The following ITGB4 variants were observed in gnomAD, a reference collection of about 807,000 sequenced individuals.
ITGB4 encodes the protein integrin beta-4.
In ITGB4, 159 loss-of-function variants were observed where a neutral mutation model predicts 207.6. That is an observed-to-expected ratio of 0.77 (90% CI 0.67 to 0.87). ITGB4 has a LOEUF of 0.87. Among genes scored for constraint, ITGB4 ranks in the 40% least tolerant of loss-of-function variants. ITGB4 has a pLI of 0.00. For missense variants in ITGB4, 2,278 were observed against 2,546.8 expected, an observed-to-expected ratio of 0.89 and a Z score of 2.27; for synonymous variants, 1,020 against 1,062.7, an observed-to-expected ratio of 0.96 and a Z score of 0.78.
At chr17:75,726,969 A>G (rs903809623) in intron 2 of ITGB4, among the ~76,000 whole-genome samples, 2 of 151,954 alleles carry the variant, frequency 1.3e-5, no homozygotes, top group Non-Finnish European at 2.9e-5. Flanking sequence ...GCTACTCCAG[A>G]GGCTGAGGTG....
In ITGB4 at chr17:75,757,478, C is replaced by T. The variant is rs371616348; in HGVS notation, c.5392C>T (p.Gln1798Ter). The T allele has an allele frequency of 6.2e-7, 1 of 1,612,986 alleles. No individual in the cohort carries two copies. ...CGGCTCCCTCACCCGGCATGTGACC[C>T]AGGAGTTTGTGAGCCGGACACTGAC... ...AGGSLTRHVTQEFVSRTLTTS... is the reference protein window; with the variant it reads ...AGGSLTRHVT Residue 1798 changes from glutamine (Q) to a stop codon, truncating the protein, a stop_gained, in exon 40 of 40, where the codon CAG becomes TAG. Transcript: ENST00000200181. LOFTEE classifies it high-confidence loss of function.
At position 75,740,962 on chromosome 17, in the gene ITGB4, C is replaced by T. The variant is rs745935661; in HGVS notation, c.2610-20C>T. ...CACTTCAGGGCTATCTAGCTCACAG[C>T]GCCCTCTTTGTCCCCACAGGCAGCA... On this transcript the variant is annotated intron_variant, in intron 22 of 39. Coordinates refer to ENST00000200181, the MANE Select transcript of ITGB4 (RefSeq NM_000213.5). The surrounding 1 kb of genome is among the most constrained non-coding windows in gnomAD (Gnocchi z 5.9). 70 of 1,613,890 alleles carry T rather than the reference C, an allele frequency of 4.3e-5. No homozygotes were observed. The highest frequency in any genetic ancestry group is 5.7e-5 in the Non-Finnish European group (67 of 1,180,026).
At position 75,748,969 on chromosome 17, in the gene ITGB4, C is replaced by A. The variant is rs368408505; in HGVS notation, c.3240C>A (p.His1080Gln). 2 of 1,613,482 alleles carry A rather than the reference C, an allele frequency of 1.2e-6. No individual in the cohort carries two copies. The highest frequency in any genetic ancestry group is 1.3e-5 in the African/African-American group (1 of 75,062). Residue 1080 changes from histidine to glutamine, a missense_variant, in exon 27 of 40, where the codon CAC becomes CAA. Physicochemically the swap from His to Gln is conservative, Grantham distance 24. Coordinates refer to ENST00000200181, the MANE Select transcript of ITGB4 (RefSeq NM_000213.5). ...GGGGCCGCCAGGTCCGCCGTTTCCA[C>A]GTCCAGCTCAGCAACCCTAAGTTTG... is the stretch of plus-strand genomic sequence containing the variant. ...LLRGRQVRRF[H>Q]VQLSNPKFGA...
intron 34 of ITGB4, chr17:75,755,307 C>A: frequency 1.5e-6 from 2 of 1,343,294 alleles, no homozygotes; most frequent in Non-Finnish European, 2.0e-6. Flanking sequence ...CACTGCTTCC[C>A]CTCCATTCCA....
rs753281943 is a variant in ITGB4 at position 75,739,905 on chromosome 17, C to A, written c.2280C>A (p.Asp760Glu). The A allele has an allele frequency of 4.3e-6, 7 of 1,613,394 alleles. No individual in the cohort carries two copies. Among genetic ancestry groups the A allele is most frequent in the Non-Finnish European group, 5.9e-6 (7 of 1,180,038 alleles). Residue 760 changes from aspartate to glutamate, a missense_variant, in exon 20 of 40, where the codon GAC (aspartate) becomes GAA (glutamate). Transcript: ENST00000200181. The surrounding 1 kb of genome is among the most constrained non-coding windows in gnomAD (Gnocchi z 5.4). ...GTCACATGGTGGGCTTTAAGGAAGA[C>A]CACTACATGCTGCGGGAGAACCTGA... Reference protein sequence around the residue: ...NRGHMVGFKEDHYMLRENLMA... With the variant: ...NRGHMVGFKEEHYMLRENLMA...
Position 75,736,089 on chromosome 17 carries a change from C to T in ITGB4, c.1696C>T (p.Pro566Ser), listed in dbSNP as rs765459034. The T allele has an allele frequency of 1.9e-6, 3 of 1,614,018 alleles. No homozygotes were observed. The highest frequency in any genetic ancestry group is 1.7e-5 in the Admixed American group (1 of 60,002). ...RCSMGQCVCE[P>S]GWTGPSCDCP... ...CTCCATGGGCCAGTGTGTGTGTGAGCCTGGTTGGACAGGCCCAAGCTGTGA... is the reference window on the plus strand; with the variant it reads ...CTCCATGGGCCAGTGTGTGTGTGAGTCTGGTTGGACAGGCCCAAGCTGTGA... The change falls in exon 14 of 40, where the codon CCT becomes TCT. Residue 566 changes from proline (P) to serine (S), a missense_variant. Pro to Ser is a moderately conservative substitution (Grantham distance 74). Transcript: ENST00000200181.
rs140501692 is a variant in ITGB4, at chr17:75,755,094, C to T, written c.4558+279C>T. ...TGGGAACACGGGAGGAGCAGGCTTCCGCTGTCCTGGGCCCTGGGGTCCCGG... is the reference window on the plus strand; with the variant it reads ...TGGGAACACGGGAGGAGCAGGCTTCTGCTGTCCTGGGCCCTGGGGTCCCGG... On this transcript the variant is annotated intron_variant, in intron 34 of 39. Coordinates refer to ENST00000200181, the MANE Select transcript of ITGB4 (RefSeq NM_000213.5). 3.3e-4 allele frequency: 531 copies of T among 1,603,348 alleles called. 1 individual carries two copies. In the East Asian group the frequency reaches 3.4e-3, roughly 10 times the overall value.
intron 26 of ITGB4, among the ~76,000 whole-genome samples, chr17:75,748,538 C>G (rs2061285348): frequency 6.6e-6 from 1 of 151,582 alleles, no homozygotes; most frequent in South Asian, 2.1e-4. Flanking sequence ...GGCGTGGTGG[C>G]AGGTGCCTGT....
In ITGB4 at chr17:75,739,663, G is replaced by T; in HGVS notation, c.2221-9G>T. 6.2e-7 allele frequency: 1 copy of T among 1,614,124 alleles called. No homozygotes were observed. Among genetic ancestry groups the T allele is most frequent in the Non-Finnish European group, 8.5e-7 (1 of 1,180,026 alleles). ...CTCAGGCCTCACCCTCACCCACCTT[G>T]TCTCCTAGGCCTGCCTGGCACTTCT... On this transcript the variant is annotated splice_polypyrimidine_tract_variant and intron_variant, in intron 18 of 39. Coordinates refer to ENST00000200181, the MANE Select transcript of ITGB4 (RefSeq NM_000213.5). The surrounding 1 kb of genome is among the most constrained non-coding windows in gnomAD (Gnocchi z 5.4).
At chr17:75,737,495 T>C (rs897777048) in intron 17 of ITGB4, 43 bp from the exon 18 acceptor site, 3 of 1,554,004 alleles carry the variant, frequency 1.9e-6, no homozygotes, top group Non-Finnish European at 2.6e-6. Context: ...CAGAGCTCGG[T>C]GGGGAGGACA....
intron 16 of ITGB4, 129 bp from the exon 17 acceptor site, chr17:75,737,193 C>T (rs2060996875): frequency 1.7e-6 from 2 of 1,207,824 alleles, no homozygotes; most frequent in Non-Finnish European, 2.3e-6. Flanking sequence ...GCAAGGACTT[C>T]CACTCTTCCC....
Position 75,736,130 on chromosome 17 carries a change from T to G in ITGB4, c.1737T>G (p.Asn579Lys). ...CAAGCTGTGACTGTCCCCTCAGCAA[T>G]GCCACCTGCATCGACAGCAATGGGG... is the stretch of plus-strand genomic sequence containing the variant. The part of the protein sequence containing the change: ...TGPSCDCPLS[N>K]ATCIDSNGGI... The change falls in exon 14 of 40, where the codon AAT becomes AAG. Residue 579 changes from asparagine to lysine, a missense_variant. Asn to Lys is a moderately conservative substitution (Grantham distance 94, BLOSUM62 0). Coordinates refer to ENST00000200181, the MANE Select transcript of ITGB4 (RefSeq NM_000213.5). 6.2e-7 allele frequency: 1 copy of G among 1,614,178 alleles called. No homozygotes were observed. The highest frequency in any genetic ancestry group is 8.5e-7 in the Non-Finnish European group (1 of 1,180,014).
chr17:75,748,921 G>A lies in ITGB4; in HGVS notation c.3192G>A (p.Leu1064=), dbSNP rs1397578053. 1.2e-6 allele frequency: 2 copies of A among 1,613,192 alleles called. No homozygotes were observed. Among genetic ancestry groups the A allele is most frequent in the East Asian group, 2.2e-5 (1 of 44,888 alleles). The change falls in exon 27 of 40, where the codon CTG becomes CTA. Residue 1064 remains leucine, a synonymous_variant. Coordinates refer to ENST00000200181, the MANE Select transcript of ITGB4 (RefSeq NM_000213.5). ...WKELQVKLLE[L]QEVDSLLRGR... ...AGCTGCAGGTGAAGCTCCTGGAGCTGCAAGAAGTTGACTCCCTCCTGCGGG... is the reference window on the plus strand; with the variant it reads ...AGCTGCAGGTGAAGCTCCTGGAGCTACAAGAAGTTGACTCCCTCCTGCGGG...
Position 75,742,461 on chromosome 17 carries a change from C to T in ITGB4, c.2754C>T (p.Pro918=), listed in dbSNP as rs368406305. The stretch of plus-strand genomic sequence containing the variant: ...CCTTCCACGACCTCAAGGTGGCCCC[C>T]GGCTACTACACCCTCACTGCAGACC... ...QRAFHDLKVA[P]GYYTLTADQD... The change falls in exon 24 of 40, where the codon CCC becomes CCT. Residue 918 remains proline (P), a synonymous_variant. Transcript: ENST00000200181. This position sits in a 1 kb window ranked among gnomAD's most constrained non-coding sequence, Gnocchi z 5.9. 7.4e-6 allele frequency: 12 copies of T among 1,612,968 alleles called. No individual in the cohort carries two copies. Among genetic ancestry groups the T allele is most frequent in the Middle Eastern group, 1.6e-4 (1 of 6,084 alleles).
In ITGB4 at chr17:75,729,299, T is replaced by C; in HGVS notation, c.601T>C (p.Phe201Leu). The change falls in exon 7 of 40, where the codon TTC (phenylalanine) becomes CTC (leucine). Residue 201 changes from phenylalanine to leucine, a missense_variant. By Grantham distance (22) the Phe-to-Leu change is conservative. Coordinates refer to ENST00000200181, the MANE Select transcript of ITGB4 (RefSeq NM_000213.5). The surrounding 1 kb of genome is among the most constrained non-coding windows in gnomAD (Gnocchi z 4.4). ...GCCCTGGCCCAACAGTGACCCCCCC[T>C]TCTCCTTCAAGAACGTCATCAGCCT... ...KEPWPNSDPP[F>L]SFKNVISLTE... 6.2e-7 allele frequency: 1 copy of C among 1,614,050 alleles called. No individual in the cohort carries two copies.
At chr17:75,751,866 G>A (rs892326602) in intron 30 of ITGB4, 8 of 459,274 alleles carry the variant, frequency 1.7e-5, no homozygotes, top group African/African-American at 9.9e-5. Flanking sequence ...ACCCCTATGC[G>A]TGCCCTTGCC....
Position 75,757,058 on chromosome 17 carries a change from CT to C in ITGB4, c.5171del (p.Phe1724SerfsTer11). ...FKVQARTTEGFGPEREGIITI... is the reference protein window; with the variant it reads ...FKVQARTTEGXGPEREGIITI... ...AGGTGCAGGCCAGGACCACTGAGGG[CT>C]TCGGGCCAGAGCGCGAGGGCATCAT... On this transcript the variant is annotated frameshift_variant, in exon 38 of 40. Coordinates refer to ENST00000200181, the MANE Select transcript of ITGB4 (RefSeq NM_000213.5). LOFTEE classifies it high-confidence loss of function. 6.2e-7 allele frequency: 1 copy of C among 1,612,922 alleles called. No homozygotes were observed. The highest frequency in any genetic ancestry group is 8.5e-7 in the Non-Finnish European group (1 of 1,179,948).
chr17:75,739,540 C>T lies in ITGB4; in HGVS notation c.2221-132C>T. On this transcript the variant is annotated intron_variant, in intron 18 of 39. Coordinates refer to ENST00000200181, the MANE Select transcript of ITGB4 (RefSeq NM_000213.5). The surrounding 1 kb of genome is among the most constrained non-coding windows in gnomAD (Gnocchi z 5.4). ...GTGCCATGCTTACACCCTGCTACCA[C>T]CTGGATATTCTGGTGTCTGGGGAGG... 1 of 1,009,074 alleles carries T rather than the reference C, an allele frequency of 9.9e-7. No homozygotes were observed. The highest frequency in any genetic ancestry group is 1.6e-6 in the Non-Finnish European group (1 of 645,116). The allele number at this position is 1,009,074 out of a possible 1,614,324, so 62.5% of individuals were successfully genotyped here.
At chr17:75,735,412 C>CTTTTTTTTTTTTTTT (rs71361693) in intron 13 of ITGB4, among the ~76,000 whole-genome samples, 3 of 102,870 alleles carry the variant, frequency 2.9e-5, no homozygotes, top group African/African-American at 3.9e-5. Flanking sequence ...TTTTTCTTTT[C>CTTTTTTTTTTTTTTT]TTTTTTTTTT....
Sources: gnomAD v4.1 joint callset for allele counts (sites outside exome capture counted in the v4.1 genomes callset) on GRCh38, gnomAD v4.1.1 for gene constraint, Gnocchi (gnomAD v3.1) non-coding constraint, MANE v1.5 for transcripts, NCBI Gene and HGNC (gene_info 2026-07-23, HGNC 2026-07-21) for gene names.